Variants in ITPRID1 observed in about 807,000 individuals in gnomAD.
ITPRID1 encodes ITPR interacting domain containing 1.
In ITPRID1, 96 loss-of-function variants were observed where a neutral mutation model predicts 95.4. The ratio of observed to expected loss-of-function variants is 1.01; its 90% CI spans 0.85 to 1.19. ITPRID1 has a LOEUF of 1.19. Among genes scored for constraint, ITPRID1 ranks in the 50% most tolerant of loss-of-function variants. The pLI is 0.00. For missense variants in ITPRID1, 1,339 were observed against 1,252.9 expected (o/e 1.07, Z -1.04); for synonymous variants, 510 against 453.6 (o/e 1.12, Z -1.58).
intron 1 of ITPRID1, among the ~76,000 whole-genome samples, chr7:31,542,181 G>A (rs555088588): frequency 2.0e-4 from 31 of 152,180 alleles, no homozygotes; most frequent in Middle Eastern, 3.4e-3. Context: ...GTGAGCTTGC[G>A]ATTTGAATTA....
At chr7:31,628,981 C>T (rs1359959009) in intron 10 of ITPRID1, among the ~76,000 whole-genome samples, 3 of 152,228 alleles carry the variant, frequency 2.0e-5, no homozygotes, top group East Asian at 3.9e-4. Context: ...ATCACTAGAA[C>T]TGTGGTACTT....
At chr7:31,601,922 A>G (rs1361759253) in intron 10 of ITPRID1, among the ~76,000 whole-genome samples, 2 of 152,112 alleles carry the variant, frequency 1.3e-5, no homozygotes, top group Admixed American at 6.5e-5. Context: ...TTTGAGTCCA[A>G]TTGCTTAATT....
chr7:31,563,267 A>C (rs2128140505), intron 5 of ITPRID1, among the ~76,000 whole-genome samples: 1 of 152,358 alleles, frequency 6.6e-6, no homozygotes, highest in African/African-American at 2.4e-5. Context: ...AAAGCTAAAT[A>C]TGTGCAGAAA....
intron 10 of ITPRID1, among the ~76,000 whole-genome samples, chr7:31,585,624 G>A (rs1414359771): frequency 6.6e-6 from 1 of 152,110 alleles, no homozygotes; most frequent in Non-Finnish European, 1.5e-5. Context: ...TTAAAAAGAT[G>A]AGTCTACTGC....
chr7:31,613,569 A>C (rs552423528), intron 10 of ITPRID1, among the ~76,000 whole-genome samples: 1 of 152,190 alleles, frequency 6.6e-6, no homozygotes, highest in Non-Finnish European at 1.5e-5. Context: ...TTAGTCAGTA[A>C]CAATGAATTT....
rs745495969 is a variant in ITPRID1 at position 31,569,828 on chromosome 7, G to T, written c.308+19G>T. 47 of 1,568,806 alleles carry T rather than the reference G, an allele frequency of 3.0e-5. No homozygotes were observed. The highest frequency in any genetic ancestry group is 4.1e-5 in the Non-Finnish European group (47 of 1,155,274). On this transcript the variant is annotated intron_variant, in intron 6 of 14. Coordinates refer to ENST00000615280, the MANE Select transcript of ITPRID1 (RefSeq NM_001257967.3). ...ACATGAGGTAGGTAGCAGAATCAGT[G>T]TTACTTCATGCCAATATTTTGCAGC... is the stretch of plus-strand genomic sequence containing the variant.
At chr7:31,559,561 A>T (rs145665907) in intron 5 of ITPRID1, among the ~76,000 whole-genome samples, 4 of 152,262 alleles carry the variant, frequency 2.6e-5, no homozygotes, top group African/African-American at 9.6e-5. Context: ...GCTACTCAGG[A>T]GGCTGAGGCA....
intron 10 of ITPRID1, among the ~76,000 whole-genome samples, chr7:31,631,985 A>G (rs1288440543): frequency 6.6e-6 from 1 of 152,220 alleles, no homozygotes; most frequent in African/African-American, 2.4e-5. Context: ...AGGGCCCTGC[A>G]GGTCCCAGTG....
chr7:31,550,003 G>A (rs1326590751), intron 2 of ITPRID1, among the ~76,000 whole-genome samples: 3 of 152,158 alleles, frequency 2.0e-5, no homozygotes, highest in African/African-American at 7.2e-5. Flanking sequence ...AAAGGAGCAT[G>A]TATGGATGAA....
Position 31,566,849 on chromosome 7 carries a change from A to G in ITPRID1, c.257-2909A>G, listed in dbSNP as rs905159217. ...GCAGTGAGCAAGAATGCCGCAATGG[A>G]TTAGCCATGCCTGCCTAGCTGAATT... On this transcript the variant is annotated intron_variant, in intron 5 of 14. Transcript: ENST00000615280. 3.3e-5 allele frequency among the ~76,000 whole-genome samples: 5 copies of G among 152,194 alleles called. No individual in the cohort carries two copies. In the South Asian group the frequency reaches 1.0e-3, roughly 31 times the overall value.
At chr7:31,628,061 A>G (rs1562629342) in intron 10 of ITPRID1, among the ~76,000 whole-genome samples, 1 of 152,218 alleles carries the variant, frequency 6.6e-6, no homozygotes, top group Admixed American at 6.5e-5. Flanking sequence ...CTAAAAAAGC[A>G]GAGGGAGCCG....
intron 10 of ITPRID1, among the ~76,000 whole-genome samples, chr7:31,634,155 G>T (rs1386576962): frequency 6.6e-6 from 1 of 152,182 alleles, no homozygotes; most frequent in East Asian, 1.9e-4. Flanking sequence ...CTCCTAGGCA[G>T]AAATGTTTCC....
At chr7:31,549,614 C>T in intron 2 of ITPRID1, 115 bp downstream of exon 2, 1 of 685,182 alleles carries the variant, frequency 1.5e-6, no homozygotes, top group Non-Finnish European at 2.2e-6. Flanking sequence ...TGAAAATTTC[C>T]CCAAGATGTC....
chr7:31,589,455 C>T (rs1785769276), intron 10 of ITPRID1, among the ~76,000 whole-genome samples: 1 of 151,744 alleles, frequency 6.6e-6, no homozygotes, highest in African/African-American at 2.4e-5. Flanking sequence ...TAATTTTGCT[C>T]AAAGATTTAC....
At chr7:31,515,571 G>C (rs951377544) in intron 1 of ITPRID1, among the ~76,000 whole-genome samples, 1 of 151,928 alleles carries the variant, frequency 6.6e-6, no homozygotes, top group Non-Finnish European at 1.5e-5. Context: ...GCAAAACTCC[G>C]TCTCAAAAAA....
intron 1 of ITPRID1, among the ~76,000 whole-genome samples, chr7:31,532,694 G>A (rs1783637110): frequency 6.6e-6 from 1 of 152,180 alleles, no homozygotes; most frequent in Non-Finnish European, 1.5e-5. Context: ...AAATGCGCTT[G>A]CAAGGTAGAA....
chr7:31,640,004 A>G (rs190196690), intron 10 of ITPRID1, among the ~76,000 whole-genome samples: 6 of 152,208 alleles, frequency 3.9e-5, no homozygotes, highest in African/African-American at 1.4e-4. Flanking sequence ...TTTGGATTTT[A>G]CCATATAGGT....
At chr7:31,569,863 G>A in intron 6 of ITPRID1, 54 bp downstream of exon 6, 1 of 1,451,140 alleles carries the variant, frequency 6.9e-7, no homozygotes, top group Non-Finnish European at 9.4e-7. Flanking sequence ...CCACACCTTT[G>A]CTGAATAAAA....
chr7:31,620,364 A>T (rs1326061108), intron 10 of ITPRID1, among the ~76,000 whole-genome samples: 4 of 151,958 alleles, frequency 2.6e-5, no homozygotes, highest in Admixed American at 1.3e-4. Context: ...ACCCCCCAGT[A>T]GGGGCAGATT....
Sources: gnomAD v4.1 joint callset for allele counts (sites outside exome capture counted in the v4.1 genomes callset) on GRCh38, gnomAD v4.1.1 for gene constraint, MANE v1.5 for transcripts, NCBI Gene and HGNC (gene_info 2026-07-23, HGNC 2026-07-21) for gene names.